FAT2: variants seen among roughly 807,000 people sequenced by gnomAD.
The protein encoded by FAT2 is protocadherin Fat 2.
In FAT2, 150 loss-of-function variants were observed where a neutral mutation model predicts 295.3. That is an observed-to-expected ratio of 0.51 (90% CI 0.44 to 0.58). The LOEUF (loss-of-function observed/expected upper bound fraction) is 0.58. Among genes scored for constraint, FAT2 ranks in the 20% least tolerant of loss-of-function variants. FAT2 has a pLI of 0.00. For missense variants in FAT2, 4,868 were observed against 5,442.7 expected (o/e 0.89, Z 3.32); for synonymous variants, 2,026 against 2,150.3 (o/e 0.94, Z 1.60).
chr5:151,559,377 G>A (rs914497099), intron 3 of FAT2, among the ~76,000 whole-genome samples: 1 of 152,282 alleles, frequency 6.6e-6, no homozygotes, highest in Admixed American at 6.5e-5. Context: ...TGTAGGACAG[G>A]AGGGTCTGGA....
At chr5:151,590,506 T>C (rs753629819) in intron 1 of FAT2, among the ~76,000 whole-genome samples, 31 of 152,184 alleles carry the variant, frequency 2.0e-4, no homozygotes, top group Admixed American at 1.3e-4. Context: ...AACAGGGCTG[T>C]TCCCACCCCA....
At chr5:151,590,227 T>C (rs1759344662) in intron 1 of FAT2, among the ~76,000 whole-genome samples, 1 of 152,230 alleles carries the variant, frequency 6.6e-6, no homozygotes, top group African/African-American at 2.4e-5. Flanking sequence ...GCTGAAGGAC[T>C]AGAAGCACCT....
rs746732748 is a variant in FAT2 at position 151,529,321 on chromosome 5, G to A, written c.9883C>T (p.Arg3295Trp). The A allele has an allele frequency of 1.6e-5, 26 of 1,613,854 alleles. No homozygotes were observed. The highest frequency in any genetic ancestry group is 1.7e-4 in the Middle Eastern group (1 of 6,058). Reference protein sequence around the residue: ...PKYFLSIECSRKSSSSLSDVT... With the variant: ...PKYFLSIECSWKSSSSLSDVT... ...TCACTGAGGGAAGAGGAGCTCTTCC[G>A]GCTGCACTCAATGGACAGGAAGTAC... The change falls in exon 15 of 24, where the codon CGG becomes TGG. Residue 3295 changes from arginine (R) to tryptophan (W), a missense_variant. By Grantham distance (101) the Arg-to-Trp change is moderately radical (BLOSUM62 -3). Coordinates refer to ENST00000261800, the MANE Select transcript of FAT2 (RefSeq NM_001447.3).
intron 9 of FAT2, 126 bp from the exon 10 acceptor site, chr5:151,546,463 C>G: frequency 3.1e-6 from 2 of 638,420 alleles, no homozygotes; most frequent in Non-Finnish European, 5.4e-6. Context: ...TAGTGTATAC[C>G]CACCCTGGAT....
chr5:151,585,172 A>G (rs940675736), intron 1 of FAT2, among the ~76,000 whole-genome samples: 4 of 152,358 alleles, frequency 2.6e-5, no homozygotes, highest in Non-Finnish European at 4.4e-5. Context: ...GGCTATCCTC[A>G]GAGGCATTAA....
intron 20 of FAT2, among the ~76,000 whole-genome samples, chr5:151,513,519 CACTT>C (rs758569276): frequency 2.6e-5 from 4 of 152,148 alleles, no homozygotes; most frequent in Non-Finnish European, 4.4e-5. Flanking sequence ...CACATGTTCT[CACTT>C]ACAAGTGGGA....
intron 7 of FAT2, among the ~76,000 whole-genome samples, chr5:151,551,098 C>T (rs1757155810): frequency 6.6e-6 from 1 of 152,096 alleles, no homozygotes; most frequent in African/African-American, 2.4e-5. Flanking sequence ...AGGGCCTTTC[C>T]ATCAAGTGAA....
At position 151,568,002 on chromosome 5, in the gene FAT2, A is replaced by G. The variant is rs138209662; in HGVS notation, c.930T>C (p.Asn310=). 5 of 1,614,052 alleles carry G rather than the reference A, an allele frequency of 3.1e-6. No homozygotes were observed. The highest frequency in any genetic ancestry group is 1.3e-5 in the African/African-American group (1 of 74,920). ...CTTTGACAGACACCAAACTGAACTC[A>G]TTGCTCCGGGCATAAGACTTGATGG... ...FKAIKSYARS[N]EFSLVSVKDI... Residue 310 remains asparagine, a synonymous_variant, in exon 2 of 24, where the codon AAT becomes AAC. Coordinates refer to ENST00000261800, the MANE Select transcript of FAT2 (RefSeq NM_001447.3).
At chr5:151,515,846 C>A (rs1479688792) in intron 20 of FAT2, among the ~76,000 whole-genome samples, 1 of 152,160 alleles carries the variant, frequency 6.6e-6, no homozygotes, top group Non-Finnish European at 1.5e-5. Context: ...CATGATGACC[C>A]TTTTAAAATA....
chr5:151,567,741 T>C lies in FAT2; in HGVS notation c.1191A>G (p.Leu397=). 3 of 1,614,194 alleles carry C rather than the reference T, an allele frequency of 1.9e-6. No individual in the cohort carries two copies. The highest frequency in any genetic ancestry group is 2.5e-6 in the Non-Finnish European group (3 of 1,180,038). ...TPAFPNLQYV[L]KPSSENVGFK... ...ATCCTACATTCTCTGAAGATGGCTT[T>C]AGAACATACTGCAGGTTGGGGAAGG... The change falls in exon 2 of 24, where the codon CTA becomes CTG. Residue 397 remains leucine (L), a synonymous_variant. Transcript: ENST00000261800.
chr5:151,564,268 A>G (rs2127643062), intron 2 of FAT2, among the ~76,000 whole-genome samples: 1 of 152,380 alleles, frequency 6.6e-6, no homozygotes, highest in South Asian at 2.1e-4. Context: ...CCTGTGTGAG[A>G]GGGCGTGGCC....
chr5:151,534,732 G>T, intron 12 of FAT2, 90 bp from the exon 13 acceptor site: 2 of 1,111,592 alleles, frequency 1.8e-6, no homozygotes, highest in Non-Finnish European at 2.6e-6. Context: ...GACAAACCCA[G>T]CCACACAGAG....
upstream of FAT2, among the ~76,000 whole-genome samples, chr5:151,593,785 C>T (rs935028165): frequency 6.6e-5 from 10 of 152,168 alleles, no homozygotes; most frequent in East Asian, 1.9e-4. Context: ...GGGTGGATCA[C>T]GAGGTCAGGA....
At position 151,540,699 on chromosome 5, in the gene FAT2, C is replaced by T. The variant is rs1756041093; in HGVS notation, c.8907G>A (p.Arg2969=). 1 of 1,614,186 alleles carries T rather than the reference C, an allele frequency of 6.2e-7. No individual in the cohort carries two copies. Among genetic ancestry groups the T allele is most frequent in the Non-Finnish European group, 8.5e-7 (1 of 1,180,024 alleles). The part of the protein sequence containing the change: ...QVGDEWRISS[R]KTLDREHTAK... ...CTGTATGCTCGCGGTCCAGGGTCTT[C>T]CTTGAGGAAATCCTCCACTCATCTC... The change falls in exon 11 of 24, where the codon AGG becomes AGA. Residue 2969 remains arginine (R), a synonymous_variant. Transcript: ENST00000261800.
intron 3 of FAT2, among the ~76,000 whole-genome samples, chr5:151,557,426 A>G (rs952583920): frequency 3.9e-5 from 6 of 152,160 alleles, no homozygotes; most frequent in Non-Finnish European, 5.9e-5. Flanking sequence ...TGGCTCTGCA[A>G]TAGACAAGGG....
In FAT2 at chr5:151,551,515, A is replaced by G. The variant is rs772208157; in HGVS notation, c.4248T>C (p.Tyr1416=). 1.1e-5 allele frequency: 18 copies of G among 1,614,234 alleles called. No individual in the cohort carries two copies. The highest frequency in any genetic ancestry group is 6.7e-5 in the Admixed American group (4 of 60,024). Residue 1416 remains tyrosine, a synonymous_variant, in exon 7 of 24, where the codon TAT becomes TAC. Transcript: ENST00000261800. The part of the protein sequence containing the change: ...RPLDTRRRSN[Y]NLTVEVTDGS... The stretch of plus-strand genomic sequence containing the variant: ...CATCTGTCACCTCAACAGTCAAGTT[A>G]TAGTTCGACCTTCTCCTGGTATCAA...
chr5:151,571,703 T>A (rs551022248), intron 1 of FAT2, among the ~76,000 whole-genome samples: 2 of 152,368 alleles, frequency 1.3e-5, no homozygotes, highest in South Asian at 2.1e-4. Flanking sequence ...CAGGTTTAGA[T>A]GAGTGAACAA....
intron 22 of FAT2, among the ~76,000 whole-genome samples, chr5:151,508,384 A>G (rs979021237): frequency 6.6e-6 from 1 of 152,204 alleles, no homozygotes; most frequent in African/African-American, 2.4e-5. Flanking sequence ...CCGACTGCAA[A>G]GCAGGGCAGG....
Position 151,534,626 on chromosome 5 carries a change from G to C in FAT2, c.9210C>G (p.Leu3070=), listed in dbSNP as rs766176972. 20 of 1,610,308 alleles carry C rather than the reference G, an allele frequency of 1.2e-5. No homozygotes were observed. The highest frequency in any genetic ancestry group is 1.4e-5 in the Non-Finnish European group (17 of 1,177,020). Residue 3070 remains leucine, a synonymous_variant, in exon 13 of 24, where the codon CTC becomes CTG. Transcript: ENST00000261800. ...LDPHTGELTT[L]TALDRERKDV... ...CCTTCCTTTCTCGGTCTAGGGCAGT[G>C]AGTGTGGTCAGCTCCCCTGGTCGGA... is the stretch of plus-strand genomic sequence containing the variant.
Sources: gnomAD v4.1 joint callset for allele counts (sites outside exome capture counted in the v4.1 genomes callset) on GRCh38, gnomAD v4.1.1 for gene constraint, MANE v1.5 for transcripts, NCBI Gene and HGNC (gene_info 2026-07-23, HGNC 2026-07-21) for gene names.